GRAMD1C: variants seen among roughly 807,000 people sequenced by gnomAD.
GRAMD1C encodes the protein GRAM domain containing 1C.
GRAMD1C carries 89 observed loss-of-function variants against 97.8 expected under a neutral mutation model. The observed-to-expected ratio is 0.91, with a 90% CI of 0.77 to 1.09. GRAMD1C has a LOEUF of 1.09. Among genes scored for constraint, GRAMD1C ranks in the 50% least tolerant of loss-of-function variants. The pLI, the probability that GRAMD1C is intolerant of heterozygous loss-of-function variation, is 0.00. For missense variants in GRAMD1C, 740 were observed against 766.4 expected, an observed-to-expected ratio of 0.97 and a Z score of 0.41; for synonymous variants, 256 against 267.0, an observed-to-expected ratio of 0.96 and a Z score of 0.40.
At position 113,938,717 on chromosome 3, in the gene GRAMD1C, C is replaced by T. The variant is rs1937632290; in HGVS notation, c.1691+574C>T. 2 of 152,110 alleles carry T rather than the reference C, an allele frequency of 1.3e-5. 1 individual carries two copies. The highest frequency in any genetic ancestry group is 4.1e-4 in the South Asian group (2 of 4,824). The allele number at this position is 152,110 out of a possible 1,614,324, so 9.4% of individuals were successfully genotyped here. A position where few individuals can be genotyped will look rare whatever the true frequency, so the allele number is the denominator to read the frequency against. On this transcript the variant is annotated intron_variant, in intron 15 of 17. Transcript: ENST00000358160. ...AAAATACTGGGACAATGTCTGAATC[C>T]CAGGGTATTCTATAGGAATCCACTC... is the stretch of plus-strand genomic sequence containing the variant.
At chr3:113,881,723 G>T (rs1001998097) in intron 5 of GRAMD1C, among the ~76,000 whole-genome samples, 18 of 152,124 alleles carry the variant, frequency 1.2e-4, no homozygotes, top group African/African-American at 4.1e-4. Flanking sequence ...AGGTTATTAT[G>T]ATTAGGCAAA....
At chr3:113,857,911 T>G (rs1934213007) in intron 2 of GRAMD1C, among the ~76,000 whole-genome samples, 1 of 152,192 alleles carries the variant, frequency 6.6e-6, no homozygotes. Flanking sequence ...TAATATTTTG[T>G]TAAGGATTCT....
rs767593984 is a variant in GRAMD1C at position 113,875,495 on chromosome 3, G to A, written c.271G>A (p.Ala91Thr). ...TERLIADYACALQRDILLQGR... is the reference protein window; with the variant it reads ...TERLIADYACTLQRDILLQGR... ...TTTTGTGTATATAGATTATGCTTGT[G>A]CTCTTCAGAGGGACATTTTGCTTCA... The change falls in exon 4 of 18, where the codon GCT (alanine) becomes ACT (threonine). Residue 91 changes from alanine (A) to threonine (T), a missense_variant. Physicochemically the swap from Ala to Thr is moderately conservative, Grantham distance 58. Coordinates refer to ENST00000358160, the MANE Select transcript of GRAMD1C (RefSeq NM_017577.5). 6.9e-7 allele frequency: 1 copy of A among 1,440,870 alleles called. No individual in the cohort carries two copies. Among genetic ancestry groups the A allele is most frequent in the Non-Finnish European group, 9.8e-7 (1 of 1,020,488 alleles). The allele number at this position is 1,440,870 out of a possible 1,614,324, so 89.3% of individuals were successfully genotyped here. A position where few individuals can be genotyped will look rare whatever the true frequency, so the allele number is the denominator to read the frequency against.
intron 1 of GRAMD1C, among the ~76,000 whole-genome samples, chr3:113,830,982 C>T (rs111228537): frequency 8.5e-5 from 13 of 152,224 alleles, no homozygotes; most frequent in African/African-American, 2.4e-4. Context: ...GAGACTACTC[C>T]GGAGCATGAG....
intron 15 of GRAMD1C, 93 bp from the exon 16 acceptor site, chr3:113,939,793 T>C: frequency 1.4e-6 from 1 of 692,552 alleles, no homozygotes; most frequent in Non-Finnish European, 2.6e-6. Flanking sequence ...GTGTAGACAA[T>C]ACACATTTTT....
chr3:113,942,141 TG>T (rs1937828047), intron 17 of GRAMD1C, among the ~76,000 whole-genome samples: 1 of 149,722 alleles, frequency 6.7e-6, no homozygotes, highest in Admixed American at 6.6e-5. Context: ...CTCAAACTCC[TG>T]GGCTCAGCAG....
At chr3:113,857,381 T>G (rs1934180920) in intron 2 of GRAMD1C, among the ~76,000 whole-genome samples, 1 of 146,584 alleles carries the variant, frequency 6.8e-6, no homozygotes, top group African/African-American at 2.5e-5. Context: ...TGTATTCCTT[T>G]TTTTTTTTTT....
intron 6 of GRAMD1C, chr3:113,885,236 C>CT: frequency 9.8e-7 from 1 of 1,015,258 alleles, no homozygotes; most frequent in Non-Finnish European, 1.5e-6. Flanking sequence ...GGGTTGCCCC[C>CT]GGGGGGCTGG....
intron 6 of GRAMD1C, among the ~76,000 whole-genome samples, chr3:113,893,961 A>G (rs1481118501): frequency 6.6e-6 from 1 of 152,202 alleles, no homozygotes; most frequent in Non-Finnish European, 1.5e-5. Context: ...AACAGCATTC[A>G]GGGCACACCC....
chr3:113,946,973 C>G lies in GRAMD1C; in HGVS notation c.*1495C>G, dbSNP rs1938122953. 1 of 152,144 alleles carries G rather than the reference C, an allele frequency of 6.6e-6. No homozygotes were observed. The highest frequency in any genetic ancestry group is 6.5e-5 in the Admixed American group (1 of 15,282). 9.4% of individuals were successfully genotyped at this position (152,144 alleles called of 1,614,324 possible). A position where few individuals can be genotyped will look rare whatever the true frequency, so the allele number is the denominator to read the frequency against. ...GTGGATTATAAACTTGAAGATTTCT[C>G]TGTTAAAGTCACAAAAATGATCGAC... is the stretch of plus-strand genomic sequence containing the variant. On this transcript the variant is annotated 3_prime_UTR_variant, in exon 18 of 18. Coordinates refer to ENST00000358160, the MANE Select transcript of GRAMD1C (RefSeq NM_017577.5).
chr3:113,932,509 G>A (rs573603039), intron 11 of GRAMD1C, among the ~76,000 whole-genome samples: 1 of 152,252 alleles, frequency 6.6e-6, no homozygotes, highest in South Asian at 2.1e-4. Flanking sequence ...GGGTGGTTTC[G>A]TTGAACTTTG....
intron 3 of GRAMD1C, among the ~76,000 whole-genome samples, chr3:113,873,092 CAA>C (rs576155098): frequency 1.4e-4 from 5 of 35,750 alleles, no homozygotes; most frequent in Admixed American, 1.0e-3. Context: ...GACTCCATCT[CAA>C]AAAAAAAAAA....
At chr3:113,932,074 A>G (rs1937451907) in intron 11 of GRAMD1C, among the ~76,000 whole-genome samples, 1 of 152,222 alleles carries the variant, frequency 6.6e-6, no homozygotes, top group South Asian at 2.1e-4. Flanking sequence ...TAAATACTGT[A>G]TGAGCTATTT....
rs140261624 is a variant in GRAMD1C at position 113,872,791 on chromosome 3, G to A, written c.260-2693G>A. Among the ~76,000 whole-genome samples the A allele has an allele frequency of 1.5e-3, 221 of 151,244 alleles. 5 individuals carry two copies. In the East Asian group the frequency reaches 0.036, roughly 25 times the overall value. The stretch of plus-strand genomic sequence containing the variant: ...GAGTCCATTTTTAAAAACCACTGAC[G>A]CTGGGCATGGTGGCTCACACCTGTA... On this transcript the variant is annotated intron_variant, in intron 3 of 17. Transcript: ENST00000358160.
upstream of GRAMD1C, among the ~76,000 whole-genome samples, chr3:113,835,110 C>T (rs1475623896): frequency 6.6e-6 from 1 of 151,648 alleles, no homozygotes; most frequent in Admixed American, 6.6e-5. Context: ...ATTAAGCATT[C>T]CCCTGATTGT....
chr3:113,929,989 T>G (rs1296066537), intron 10 of GRAMD1C, among the ~76,000 whole-genome samples: 1 of 152,208 alleles, frequency 6.6e-6, no homozygotes, highest in African/African-American at 2.4e-5. Flanking sequence ...GAGTTTTTAA[T>G]GCTTTTATTT....
At chr3:113,864,200 C>T (rs1334120119) in intron 2 of GRAMD1C, among the ~76,000 whole-genome samples, 2 of 152,076 alleles carry the variant, frequency 1.3e-5, no homozygotes, top group Non-Finnish European at 2.9e-5. Flanking sequence ...GCAACCTCTG[C>T]CTCCTGGGTT....
At chr3:113,869,749 G>A (rs1024831950) in intron 3 of GRAMD1C, among the ~76,000 whole-genome samples, 158 bp downstream of exon 3, 2 of 152,070 alleles carry the variant, frequency 1.3e-5, no homozygotes, top group African/African-American at 4.8e-5. Context: ...CCATTTCTGG[G>A]TAGATATCCA....
At chr3:113,910,240 G>A (rs960777558) in intron 9 of GRAMD1C, among the ~76,000 whole-genome samples, 8 of 152,168 alleles carry the variant, frequency 5.3e-5, no homozygotes, top group East Asian at 1.9e-4. Context: ...AAAATTAGCC[G>A]GGTGTGGCGG....
Sources: allele counts gnomAD v4.1 joint callset (sites outside exome capture counted in the v4.1 genomes callset), GRCh38; gene constraint gnomAD v4.1.1; transcripts MANE v1.5; gene names NCBI Gene and HGNC (gene_info 2026-07-23, HGNC 2026-07-21).